The following NALF1 variants were observed in gnomAD, a reference collection of about 807,000 sequenced individuals.
NALF1 encodes the protein family with sequence similarity 155 member A.
A neutral mutation model predicts 48.4 loss-of-function variants in NALF1; 3 were observed. The ratio of observed to expected loss-of-function variants is 0.06; its 90% CI spans 0.03 to 0.16. NALF1 has a LOEUF of 0.16. NALF1 is among the 10% of genes least tolerant of loss of function. The probability of loss-of-function intolerance (pLI) is 1.00; values close to 1 mark genes in which losing one functional copy is unlikely to be tolerated. For missense variants in NALF1, 526 were observed against 571.5 expected (o/e 0.92, Z 0.81); for synonymous variants, 262 against 245.7 (o/e 1.07, Z -0.62).
intron 1 of NALF1, among the ~76,000 whole-genome samples, chr13:107,664,868 C>T (rs1223534043): frequency 1.3e-5 from 2 of 152,018 alleles, no homozygotes; most frequent in Non-Finnish European, 2.9e-5. Flanking sequence ...TGTGTCTCTG[C>T]CCAGGGGTTT....
chr13:107,556,984 ATG>A (rs1877500960), intron 1 of NALF1, among the ~76,000 whole-genome samples: 1 of 152,192 alleles, frequency 6.6e-6, no homozygotes, highest in Non-Finnish European at 1.5e-5. Flanking sequence ...AAATTGTATA[ATG>A]TGATTTTTCA....
intron 1 of NALF1, among the ~76,000 whole-genome samples, chr13:107,336,016 C>T (rs901646292): frequency 6.6e-6 from 1 of 151,832 alleles, no homozygotes; most frequent in East Asian, 1.9e-4. Context: ...ATTTCTTGTA[C>T]TTTTCCTCTC....
At chr13:107,773,480 T>C (rs1205339620) in intron 1 of NALF1, among the ~76,000 whole-genome samples, 3 of 152,162 alleles carry the variant, frequency 2.0e-5, no homozygotes, top group Admixed American at 6.5e-5. Flanking sequence ...AAAATTCTGA[T>C]AAAATAATTT....
intron 1 of NALF1, among the ~76,000 whole-genome samples, chr13:107,277,063 T>C (rs957588715): frequency 6.6e-6 from 1 of 152,202 alleles, no homozygotes; most frequent in African/African-American, 2.4e-5. Context: ...TTTCCCTGGG[T>C]TCCAGGAAAT....
At chr13:107,738,110 T>C (rs550676555) in intron 1 of NALF1, among the ~76,000 whole-genome samples, 5 of 152,312 alleles carry the variant, frequency 3.3e-5, no homozygotes, top group East Asian at 1.9e-4. Flanking sequence ...TAAGTCACCA[T>C]TGGTCACTTA....
intron 1 of NALF1, among the ~76,000 whole-genome samples, chr13:107,292,550 G>C (rs774457425): frequency 9.9e-5 from 15 of 151,768 alleles, no homozygotes; most frequent in Non-Finnish European, 2.2e-4. Flanking sequence ...CACTAACCTA[G>C]GCCTACACAG....
chr13:107,466,039 C>T (rs1214355954), intron 1 of NALF1: 1 of 152,716 alleles, frequency 6.5e-6, no homozygotes, highest in Non-Finnish European at 1.5e-5. Context: ...GGGGAGGTCT[C>T]ACAATCATGG....
intron 1 of NALF1, among the ~76,000 whole-genome samples, chr13:107,785,415 T>C (rs979831239): frequency 2.6e-5 from 4 of 152,132 alleles, no homozygotes; most frequent in Admixed American, 6.5e-5. Context: ...CTGGATGAGA[T>C]TGGAGACTAT....
chr13:107,176,180 T>C (rs1353343105), intron 2 of NALF1, among the ~76,000 whole-genome samples: 1 of 152,198 alleles, frequency 6.6e-6, no homozygotes, highest in Non-Finnish European at 1.5e-5. Flanking sequence ...TTGCACTAAT[T>C]AGCATTAGGA....
chr13:107,606,267 C>CGT (rs1555311996), intron 1 of NALF1, among the ~76,000 whole-genome samples: 1 of 17,072 alleles, frequency 5.9e-5, no homozygotes, highest in African/African-American at 2.1e-4. Context: ...CTTAACATCT[C>CGT]ATATATATAT....
At chr13:107,784,183 A>ACG (rs1878005682) in intron 1 of NALF1, among the ~76,000 whole-genome samples, 1 of 152,216 alleles carries the variant, frequency 6.6e-6, no homozygotes, top group East Asian at 1.9e-4. Context: ...CCACAAAGAC[A>ACG]CGCAAAGAGT....
At chr13:107,813,709 G>A (rs1879072699) in intron 1 of NALF1, among the ~76,000 whole-genome samples, 1 of 152,002 alleles carries the variant, frequency 6.6e-6, no homozygotes, top group Admixed American at 6.6e-5. Context: ...ACATCGGGAT[G>A]GGGCTTGTGG....
chr13:107,600,828 G>C lies in NALF1; in HGVS notation c.915+264854C>G, dbSNP rs1431031464. 2.0e-5 allele frequency among the ~76,000 whole-genome samples: 3 copies of C among 152,320 alleles called. No individual in the cohort carries two copies. In the South Asian group the frequency reaches 6.2e-4, roughly 32 times the overall value. ...CCTGACACTTAACTTGACCTCGATAGTATTTGTTGAATGAATGCAGAAAAT... is the reference window on the plus strand; with the variant it reads ...CCTGACACTTAACTTGACCTCGATACTATTTGTTGAATGAATGCAGAAAAT... On this transcript the variant is annotated intron_variant, in intron 1 of 2. Transcript: ENST00000375915.
In NALF1 at chr13:107,166,006, ATGTGTGTGTGTGTGTG is replaced by A. The variant is rs71204815; in HGVS notation, c.*4475_*4490del. ...TTGGTTGAAGTTTTATTTGCAAGCGATGTGTGTGTGTGTGTGTGTGTGTGTGTGTGTGTGTATGTAT... is the reference window on the plus strand; with the variant it reads ...TTGGTTGAAGTTTTATTTGCAAGCGATGTGTGTGTGTGTGTGTGTATGTAT... On this transcript the variant is annotated 3_prime_UTR_variant, in exon 3 of 3. Transcript: ENST00000375915. 4.1e-5 allele frequency: 6 copies of A among 146,102 alleles called. No individual in the cohort carries two copies. Among genetic ancestry groups the A allele is most frequent in the Non-Finnish European group, 7.5e-5 (5 of 66,422 alleles). The allele number at this position is 146,102 out of a possible 1,614,324, so 9.1% of individuals were successfully genotyped here.
Position 107,800,461 on chromosome 13 carries a change from A to G in NALF1, c.915+65221T>C, listed in dbSNP as rs572702750. Reference sequence around the variant, plus strand: ...CTAAGTTTAAATAGAAATAAAAATGAGTCCCTAAACAACAAATTTAATAAA... The same window carrying G: ...CTAAGTTTAAATAGAAATAAAAATGGGTCCCTAAACAACAAATTTAATAAA... On this transcript the variant is annotated intron_variant, in intron 1 of 2. Coordinates refer to ENST00000375915, the MANE Select transcript of NALF1 (RefSeq NM_001080396.3). 1.4e-4 allele frequency among the ~76,000 whole-genome samples: 21 copies of G among 151,692 alleles called. No homozygotes were observed. In the South Asian group the frequency reaches 4.4e-3, roughly 31 times the overall value.
At chr13:107,408,156 G>A (rs188966921) in intron 1 of NALF1, among the ~76,000 whole-genome samples, 13 of 152,096 alleles carry the variant, frequency 8.5e-5, no homozygotes, top group African/African-American at 1.4e-4. Context: ...AATGGTTAAT[G>A]AGTACAAAAA....
chr13:107,686,067 G>A (rs888106369), intron 1 of NALF1, among the ~76,000 whole-genome samples: 3 of 152,224 alleles, frequency 2.0e-5, no homozygotes, highest in African/African-American at 7.2e-5. Context: ...GCTGGGCCTC[G>A]AGGGGAGGAC....
intron 1 of NALF1, among the ~76,000 whole-genome samples, chr13:107,448,069 CCCTT>C (rs1224288197): frequency 5.9e-5 from 9 of 152,184 alleles, no homozygotes; most frequent in African/African-American, 1.9e-4. Flanking sequence ...TAAATCTGCT[CCCTT>C]CCTCTCTTAT....
chr13:107,211,759 C>T (rs56124244), intron 1 of NALF1, among the ~76,000 whole-genome samples: 1,521 of 152,044 alleles, frequency 0.01, 28 homozygotes, highest in African/African-American at 0.036. Flanking sequence ...AAAATGGAGG[C>T]GCAGCAGTTA....
Sources: gnomAD v4.1 joint callset for allele counts (sites outside exome capture counted in the v4.1 genomes callset) on GRCh38, gnomAD v4.1.1 for gene constraint, MANE v1.5 for transcripts, NCBI Gene and HGNC (gene_info 2026-07-23, HGNC 2026-07-21) for gene names.